Variants in GRK5 observed in about 807,000 individuals in gnomAD.
GRK5 encodes the protein g protein-coupled receptor kinase GRK5.
GRK5 carries 40 observed loss-of-function variants against 78.4 expected under a neutral mutation model. The ratio of observed to expected loss-of-function variants is 0.51; its 90% CI spans 0.40 to 0.66. GRK5 has a LOEUF of 0.66. Ranked by LOEUF, GRK5 falls within the 30% of genes least tolerant of loss-of-function variation. The pLI, the probability that GRK5 is intolerant of heterozygous loss-of-function variation, is 0.00. For missense variants in GRK5, 598 were observed against 759.9 expected, an observed-to-expected ratio of 0.79 and a Z score of 2.50; for synonymous variants, 289 against 296.8, an observed-to-expected ratio of 0.97 and a Z score of 0.27.
rs997252004 is a variant in GRK5, at chr10:119,218,655, A to G, written c.52+10686A>G. Among the ~76,000 whole-genome samples the G allele has an allele frequency of 4.6e-5, 7 of 152,296 alleles. No individual in the cohort carries two copies. The South Asian group carries it at 1.4e-3, about 32-fold the overall frequency. Reference sequence around the variant, plus strand: ...GCTCTAGGAAGAATAGGGGTGGAGTAAGGACAAAGGATTGGACCATCGACT... The same window carrying G: ...GCTCTAGGAAGAATAGGGGTGGAGTGAGGACAAAGGATTGGACCATCGACT... On this transcript the variant is annotated intron_variant, in intron 1 of 15. Coordinates refer to ENST00000392870, the MANE Select transcript of GRK5 (RefSeq NM_005308.3).
chr10:119,302,047 G>T (rs1022968291), intron 1 of GRK5, among the ~76,000 whole-genome samples: 1 of 152,220 alleles, frequency 6.6e-6, no homozygotes, highest in Non-Finnish European at 1.5e-5. Context: ...CATTTCTAAA[G>T]CATTCGTTGG....
At position 119,306,828 on chromosome 10, in the gene GRK5, C is replaced by T. The variant is rs935998636; in HGVS notation, c.53-19688C>T. ...ACTCACTGGGTGCAGTGTCCTCTAG[C>T]GTCTACTGGGTGCAGGGCACTGGGG... On this transcript the variant is annotated intron_variant, in intron 1 of 15. Transcript: ENST00000392870. 3.3e-5 allele frequency among the ~76,000 whole-genome samples: 5 copies of T among 152,190 alleles called. No homozygotes were observed. The East Asian group carries it at 5.8e-4, about 18-fold the overall frequency.
At chr10:119,442,902 ATGGATGGT>A (rs1334133342) in intron 11 of GRK5, among the ~76,000 whole-genome samples, 3 of 152,078 alleles carry the variant, frequency 2.0e-5, no homozygotes, top group Non-Finnish European at 2.9e-5. Context: ...GGGCGGGTGG[ATGGATGGT>A]TGGATGGATG....
intron 4 of GRK5, among the ~76,000 whole-genome samples, chr10:119,407,902 G>A (rs1339674976): frequency 2.0e-5 from 3 of 152,148 alleles, no homozygotes; most frequent in East Asian, 3.9e-4. Context: ...GGTGGCTCAC[G>A]CCTGTAATTC....
intron 1 of GRK5, 43 bp downstream of exon 1, chr10:119,208,012 G>A: frequency 1.3e-6 from 2 of 1,583,122 alleles, no homozygotes; most frequent in South Asian, 1.1e-5. Flanking sequence ...TCCGCCGCGG[G>A]CCAGGGTGCG....
chr10:119,356,807 C>T (rs2133804521), intron 2 of GRK5, among the ~76,000 whole-genome samples: 1 of 152,360 alleles, frequency 6.6e-6, no homozygotes. Flanking sequence ...CCTTTTCTCA[C>T]AAGTTTTCAA....
At chr10:119,363,406 C>T (rs949062203) in intron 2 of GRK5, among the ~76,000 whole-genome samples, 1 of 152,120 alleles carries the variant, frequency 6.6e-6, no homozygotes, top group African/African-American at 2.4e-5. Context: ...ATTCTAGGAC[C>T]AGGGAAGTAA....
At position 119,442,072 on chromosome 10, in the gene GRK5, C is replaced by A; in HGVS notation, c.1041C>A (p.Gly347=). 6.2e-7 allele frequency: 1 copy of A among 1,613,848 alleles called. No homozygotes were observed. Among genetic ancestry groups the A allele is most frequent in the Non-Finnish European group, 8.5e-7 (1 of 1,179,792 alleles). ...GAGACCTGATCCGCGGCCGGGTGGGCACTGTTGGCTACATGGGTGAGTGCT... is the reference window on the plus strand; with the variant it reads ...GAGACCTGATCCGCGGCCGGGTGGGAACTGTTGGCTACATGGGTGAGTGCT... ...PEGDLIRGRV[G]TVGYMAPEVL... Residue 347 remains glycine, a synonymous_variant, in exon 11 of 16, where the codon GGC becomes GGA. Transcript: ENST00000392870.
chr10:119,309,522 A>G (rs1003730083), intron 1 of GRK5, among the ~76,000 whole-genome samples: 2 of 152,250 alleles, frequency 1.3e-5, no homozygotes, highest in Non-Finnish European at 2.9e-5. Flanking sequence ...GTCAGGGCAG[A>G]GTAATGGCGA....
intron 1 of GRK5, among the ~76,000 whole-genome samples, chr10:119,284,123 A>G: frequency 6.6e-6 from 1 of 152,170 alleles, no homozygotes; most frequent in Non-Finnish European, 1.5e-5. Context: ...TTGGGCCCAG[A>G]TGGTGTATGT....
At chr10:119,215,250 G>A (rs1184617963) in intron 1 of GRK5, among the ~76,000 whole-genome samples, 1 of 152,196 alleles carries the variant, frequency 6.6e-6, no homozygotes, top group African/African-American at 2.4e-5. Context: ...TGTGTGGCTA[G>A]TGGCCATTGT....
At chr10:119,352,168 A>T (rs947947087) in intron 2 of GRK5, among the ~76,000 whole-genome samples, 7 of 152,138 alleles carry the variant, frequency 4.6e-5, no homozygotes, top group African/African-American at 1.7e-4. Context: ...TATAAATAAA[A>T]TCTTGAGTTA....
intron 4 of GRK5, among the ~76,000 whole-genome samples, chr10:119,400,174 C>T (rs1048553005): frequency 1.3e-5 from 2 of 152,166 alleles, no homozygotes; most frequent in Non-Finnish European, 2.9e-5. Context: ...TCTGAGGAGC[C>T]CACCTTCAGA....
chr10:119,343,447 G>A (rs1048475076), intron 2 of GRK5, among the ~76,000 whole-genome samples: 1 of 152,222 alleles, frequency 6.6e-6, no homozygotes, highest in African/African-American at 2.4e-5. Context: ...CCTATTTTAG[G>A]GATGACGATG....
intron 13 of GRK5, among the ~76,000 whole-genome samples, chr10:119,448,958 C>T (rs1382915474): frequency 6.6e-6 from 1 of 152,206 alleles, no homozygotes; most frequent in Admixed American, 6.5e-5. Context: ...GATTCCGGGG[C>T]CTGCTCTGTT....
chr10:119,328,599 T>C (rs1850717790), intron 2 of GRK5, among the ~76,000 whole-genome samples: 1 of 152,198 alleles, frequency 6.6e-6, no homozygotes. Flanking sequence ...AAGAGGGATG[T>C]TACCTCACAA....
intron 1 of GRK5, among the ~76,000 whole-genome samples, chr10:119,261,808 A>T (rs1849410278): frequency 6.6e-6 from 1 of 152,218 alleles, no homozygotes; most frequent in South Asian, 2.1e-4. Flanking sequence ...CTGAGGCCGG[A>T]GAATCAGGCA....
In GRK5 at chr10:119,326,517, G is replaced by A. The variant is rs1284284854; in HGVS notation, c.54G>A (p.Gly18=). The A allele has an allele frequency of 1.9e-6, 3 of 1,613,696 alleles. No individual in the cohort carries two copies. Among genetic ancestry groups the A allele is most frequent in the Non-Finnish European group, 8.5e-7 (1 of 1,179,626 alleles). ...GCATCTTTTTCCCCATCTCTGCAGG[G>A]GGCGGAGGAAAGCGCAAAGGGAAAA... The part of the protein sequence containing the change: ...ANTVLLKARE[G]GGGKRKGKSK... The change falls in exon 2 of 16, where the codon GGG becomes GGA. Residue 18 remains glycine (G), a splice_region_variant and synonymous_variant. Transcript: ENST00000392870.
At chr10:119,371,746 C>CT (rs1482112652) in intron 2 of GRK5, among the ~76,000 whole-genome samples, 3 of 152,234 alleles carry the variant, frequency 2.0e-5, no homozygotes, top group Admixed American at 6.5e-5. Flanking sequence ...CTCCTATCTC[C>CT]TTTCTCAGTC....
Sources: gnomAD v4.1 joint callset for allele counts (sites outside exome capture counted in the v4.1 genomes callset) on GRCh38, gnomAD v4.1.1 for gene constraint, MANE v1.5 for transcripts, NCBI Gene and HGNC (gene_info 2026-07-23, HGNC 2026-07-21) for gene names.